EME2: variants seen among roughly 807,000 people sequenced by gnomAD.
EME2 encodes the protein essential meiotic structure-specific endonuclease subunit 2, also known as structure-specific endonuclease subunit EME2.
Under a neutral mutation model 41.9 loss-of-function variants are expected in EME2, and 58 were observed. That is an observed-to-expected ratio of 1.38 (90% confidence interval 1.12 to 1.72). EME2 has a LOEUF of 1.72. EME2 is among the 40% of genes most tolerant of loss of function. The pLI is 0.00. For synonymous variants in EME2, 334 were observed against 239.3 expected, an observed-to-expected ratio of 1.40 and a Z score of -3.65; for missense variants, 695 against 541.9, an observed-to-expected ratio of 1.28 and a Z score of -2.81.
Position 1,777,861 on chromosome 16 carries a change from G to A in EME2, c.*1623G>A, listed in dbSNP as rs756651857. 5.6e-6 allele frequency: 9 copies of A among 1,612,428 alleles called. No individual in the cohort carries two copies. The highest frequency in any genetic ancestry group is 7.6e-6 in the Non-Finnish European group (9 of 1,179,746). On this transcript the variant is annotated 3_prime_UTR_variant, in exon 8 of 8. Transcript: ENST00000568449. The stretch of plus-strand genomic sequence containing the variant: ...GAGAAGCTGGTCTTGTCGCCCTTGT[G>A]GTGGAGGAGGCCTGGGGGCAGCCAG...
rs2042731546 is a variant in EME2, at chr16:1,777,471, C to T, written c.*1233C>T. The T allele has an allele frequency of 2.0e-6, 3 of 1,467,718 alleles. No homozygotes were observed. The East Asian group carries it at 7.4e-5, about 36-fold the overall frequency. The allele number at this position is 1,467,718 out of a possible 1,614,324, so 90.9% of individuals were successfully genotyped here. ...GGAAGGGAGGGGCCCAGCCTGAACC[C>T]CAGGCAGGGAAGGGGCCAGCTACTG... is the stretch of plus-strand genomic sequence containing the variant. On this transcript the variant is annotated 3_prime_UTR_variant, in exon 8 of 8. Coordinates refer to ENST00000568449, the MANE Select transcript of EME2 (RefSeq NM_001257370.2).
Position 1,781,242 on chromosome 16 carries a change from G to A in EME2, c.*5004G>A. On this transcript the variant is annotated 3_prime_UTR_variant, in exon 8 of 8. Transcript: ENST00000568449. ...GGCCCAGGTTTGGACTGGTCCTCTA[G>A]CCTCAGAAGCATCTTTTTCTCCGAC... 2 of 1,598,774 alleles carry A rather than the reference G, an allele frequency of 1.3e-6. No individual in the cohort carries two copies. The highest frequency in any genetic ancestry group is 1.7e-6 in the Non-Finnish European group (2 of 1,177,138).
intron 5 of EME2, 39 bp from the exon 6 acceptor site, chr16:1,775,530 T>C: frequency 6.2e-7 from 1 of 1,606,828 alleles, no homozygotes; most frequent in Middle Eastern, 1.7e-4. Context: ...CCGGGTAGCC[T>C]TCCTCTGGCT....
rs1254829448 is a variant in EME2, at chr16:1,777,151, G to A, written c.*913G>A. 1 of 1,611,488 alleles carries A rather than the reference G, an allele frequency of 6.2e-7. No homozygotes were observed. Among genetic ancestry groups the A allele is most frequent in the Non-Finnish European group, 8.5e-7 (1 of 1,179,856 alleles). On this transcript the variant is annotated 3_prime_UTR_variant, in exon 8 of 8. Coordinates refer to ENST00000568449, the MANE Select transcript of EME2 (RefSeq NM_001257370.2). ...AGGGCCGAGGCTCGCGACTGCTGGG[G>A]TGGGCGGAGGTCGCTGCCTGGGGAT...
At position 1,778,737 on chromosome 16, in the gene EME2, G is replaced by T. The variant is rs578152915; in HGVS notation, c.*2499G>T. 39 of 1,066,904 alleles carry T rather than the reference G, an allele frequency of 3.7e-5. No individual in the cohort carries two copies. The African/African-American group carries it at 5.4e-4, about 15-fold the overall frequency. 66.1% of individuals were successfully genotyped at this position (1,066,904 alleles called of 1,614,324 possible). On this transcript the variant is annotated 3_prime_UTR_variant, in exon 8 of 8. Transcript: ENST00000568449. Reference sequence around the variant, plus strand: ...AAAGGATGGGGGTCCAGGCCTCCAGGGACTTCACAGTACCCCGAGCGCACA... The same window carrying T: ...AAAGGATGGGGGTCCAGGCCTCCAGTGACTTCACAGTACCCCGAGCGCACA...
In EME2 at chr16:1,775,407, A is replaced by G. The variant is rs764639450; in HGVS notation, c.662A>G (p.Glu221Gly). Residue 221 changes from glutamate to glycine, a missense_variant and splice_region_variant, in exon 5 of 8, where the codon GAG (glutamate) becomes GGG (glycine). Transcript: ENST00000568449. ...EVAVSWPEVE[E>G]ALVLLQLWAN... ...GCCGTCAGCTGGCCGGAGGTGGAAGAGGTGAGGGCCTGTCTGAGCTGGGTG... is the reference window on the plus strand; with the variant it reads ...GCCGTCAGCTGGCCGGAGGTGGAAGGGGTGAGGGCCTGTCTGAGCTGGGTG... The G allele has an allele frequency of 1.9e-6, 3 of 1,612,562 alleles. No homozygotes were observed. Among genetic ancestry groups the G allele is most frequent in the South Asian group, 1.1e-5 (1 of 91,004 alleles).
In EME2 at chr16:1,774,488, T is replaced by G. The variant is rs1596847675; in HGVS notation, c.477+136T>G. The G allele has an allele frequency of 7.3e-6, 5 of 686,096 alleles. No homozygotes were observed. The East Asian group carries it at 1.4e-4, about 19-fold the overall frequency. 42.5% of individuals were successfully genotyped at this position (686,096 alleles called of 1,614,324 possible). On this transcript the variant is annotated intron_variant, in intron 3 of 7. Transcript: ENST00000568449. ...GGGGCAGGCCAGGACTCCTCTCTGATCCAAAGCCGTAGAGGTTTCTAGGGT... is the reference window on the plus strand; with the variant it reads ...GGGGCAGGCCAGGACTCCTCTCTGAGCCAAAGCCGTAGAGGTTTCTAGGGT...
At chr16:1,774,520 G>A (rs937808587) in intron 3 of EME2, among the ~76,000 whole-genome samples, 168 bp downstream of exon 3, 2 of 152,250 alleles carry the variant, frequency 1.3e-5, no homozygotes, top group African/African-American at 4.8e-5. Context: ...GGGTGAGATG[G>A]AGAAAGCTCC....
rs994847924 is a variant in EME2 at position 1,778,672 on chromosome 16, C to T, written c.*2434C>T. 72 of 1,498,418 alleles carry T rather than the reference C, an allele frequency of 4.8e-5. No homozygotes were observed. The highest frequency in any genetic ancestry group is 1.3e-4 in the African/African-American group (9 of 71,890). The allele number at this position is 1,498,418 out of a possible 1,614,324, so 92.8% of individuals were successfully genotyped here. A position where few individuals can be genotyped will look rare whatever the true frequency, so the allele number is the denominator to read the frequency against. Reference sequence around the variant, plus strand: ...CCCGCTCTCTACCCTCTCACCCTTGCCCTCTGTCCCTGTCCCACCCTGTCC... The same window carrying T: ...CCCGCTCTCTACCCTCTCACCCTTGTCCTCTGTCCCTGTCCCACCCTGTCC... On this transcript the variant is annotated 3_prime_UTR_variant, in exon 8 of 8. Transcript: ENST00000568449.
chr16:1,781,381 A>G lies in EME2; in HGVS notation c.*5143A>G, dbSNP rs896970812. ...ACCTGCCCATCAGAGTCGTAGCCCC[A>G]GTTAGTGGAGCCTGCTAGAGCCACG... is the stretch of plus-strand genomic sequence containing the variant. On this transcript the variant is annotated 3_prime_UTR_variant, in exon 8 of 8. Transcript: ENST00000568449. 3.1e-6 allele frequency: 5 copies of G among 1,612,472 alleles called. No homozygotes were observed. Among genetic ancestry groups the G allele is most frequent in the Non-Finnish European group, 4.2e-6 (5 of 1,179,944 alleles).
rs117023147 is a variant in EME2 at position 1,780,722 on chromosome 16, C to G, written c.*4484C>G. 1.9e-4 allele frequency: 31 copies of G among 163,816 alleles called. No individual in the cohort carries two copies. The highest frequency in any genetic ancestry group is 3.8e-4 in the Non-Finnish European group (28 of 74,026). 10.1% of individuals were successfully genotyped at this position (163,816 alleles called of 1,614,324 possible). On this transcript the variant is annotated 3_prime_UTR_variant, in exon 8 of 8. Coordinates refer to ENST00000568449, the MANE Select transcript of EME2 (RefSeq NM_001257370.2). ...ACCTCCAGAAATGGGCTGGGTAAAC[C>G]AAAGAATTTTTTTGTTTTTGTTTTT...
Position 1,777,137 on chromosome 16 carries a change from T to C in EME2, c.*899T>C, listed in dbSNP as rs1394482869. The C allele has an allele frequency of 5.6e-6, 9 of 1,611,562 alleles. No individual in the cohort carries two copies. The highest frequency in any genetic ancestry group is 7.6e-6 in the Non-Finnish European group (9 of 1,179,740). On this transcript the variant is annotated 3_prime_UTR_variant, in exon 8 of 8. Transcript: ENST00000568449. The stretch of plus-strand genomic sequence containing the variant: ...GCGCTTCCTCTGGCAGGGCCGAGGC[T>C]CGCGACTGCTGGGGTGGGCGGAGGT...
At position 1,777,585 on chromosome 16, in the gene EME2, C is replaced by T; in HGVS notation, c.*1347C>T. The T allele has an allele frequency of 7.3e-7, 1 of 1,369,290 alleles. No homozygotes were observed. Among genetic ancestry groups the T allele is most frequent in the Non-Finnish European group, 9.8e-7 (1 of 1,022,922 alleles). The allele number at this position is 1,369,290 out of a possible 1,614,324, so 84.8% of individuals were successfully genotyped here. A position where few individuals can be genotyped will look rare whatever the true frequency, so the allele number is the denominator to read the frequency against. On this transcript the variant is annotated 3_prime_UTR_variant, in exon 8 of 8. Coordinates refer to ENST00000568449, the MANE Select transcript of EME2 (RefSeq NM_001257370.2). ...GGCAGGGTGCACGCGCTGGCCCTGC[C>T]ACTCCAGCCTGGCCTCACTGTCCCA...
rs1226765491 is a variant in EME2, at chr16:1,772,985, G to C, written c.-243G>C. On this transcript the variant is annotated 5_prime_UTR_variant, in exon 1 of 8. Coordinates refer to ENST00000568449, the MANE Select transcript of EME2 (RefSeq NM_001257370.2). Reference sequence around the variant, plus strand: ...CCCGGACCGGCAGCCGGCGTCCAGAGAACGGCCGCGTCAAGGTCTCGTAGT... The same window carrying C: ...CCCGGACCGGCAGCCGGCGTCCAGACAACGGCCGCGTCAAGGTCTCGTAGT... The C allele has an allele frequency of 3.4e-6, 5 of 1,451,926 alleles. No homozygotes were observed. The highest frequency in any genetic ancestry group is 2.7e-5 in the Admixed American group (1 of 36,380). The allele number at this position is 1,451,926 out of a possible 1,614,324, so 89.9% of individuals were successfully genotyped here. A position where few individuals can be genotyped will look rare whatever the true frequency, so the allele number is the denominator to read the frequency against.
Position 1,776,662 on chromosome 16 carries a change from G to T in EME2, c.*424G>T, listed in dbSNP as rs992894516. 1.1e-5 allele frequency: 3 copies of T among 285,696 alleles called. No homozygotes were observed. Among genetic ancestry groups the T allele is most frequent in the Non-Finnish European group, 2.0e-5 (3 of 151,464 alleles). 17.7% of individuals were successfully genotyped at this position (285,696 alleles called of 1,614,324 possible). ...CAGTGAGGCCTGGGAGAAGGCCCAGGCTGCTCGCAAGCCCGGCCTCTGCAC... is the reference window on the plus strand; with the variant it reads ...CAGTGAGGCCTGGGAGAAGGCCCAGTCTGCTCGCAAGCCCGGCCTCTGCAC... On this transcript the variant is annotated 3_prime_UTR_variant, in exon 8 of 8. Coordinates refer to ENST00000568449, the MANE Select transcript of EME2 (RefSeq NM_001257370.2).
In EME2 at chr16:1,772,902, A is replaced by G; in HGVS notation, c.-326A>G. On this transcript the variant is annotated 5_prime_UTR_variant, in exon 1 of 8. Coordinates refer to ENST00000568449, the MANE Select transcript of EME2 (RefSeq NM_001257370.2). ...CGTGACCAGGCGGCCCAGGCCGAAG[A>G]GCGGGAGGCGGCCGAGCAGCTGCAA... 1 of 1,450,288 alleles carries G rather than the reference A, an allele frequency of 6.9e-7. No homozygotes were observed. Among genetic ancestry groups the G allele is most frequent in the Non-Finnish European group, 9.0e-7 (1 of 1,108,546 alleles). The allele number at this position is 1,450,288 out of a possible 1,614,324, so 89.8% of individuals were successfully genotyped here.
chr16:1,774,667 G>A (rs1464446967), intron 3 of EME2, among the ~76,000 whole-genome samples: 1 of 152,258 alleles, frequency 6.6e-6, no homozygotes, highest in Non-Finnish European at 1.5e-5. Context: ...GCAGTGCTCA[G>A]GTGCTGTGGT....
chr16:1,781,419 G>C lies in EME2; in HGVS notation c.*5181G>C. 1 of 1,612,846 alleles carries C rather than the reference G, an allele frequency of 6.2e-7. No homozygotes were observed. Among genetic ancestry groups the C allele is most frequent in the Non-Finnish European group, 8.5e-7 (1 of 1,179,994 alleles). ...TGCTAGAGCCACGGCCCGGGCATCT[G>C]CGTCTCGGCGGGCTGCACTCAGGAC... On this transcript the variant is annotated 3_prime_UTR_variant, in exon 8 of 8. Transcript: ENST00000568449.
At chr16:1,775,726 G>C (rs2042701154) in intron 6 of EME2, 42 bp downstream of exon 6, 1 of 1,612,464 alleles carries the variant, frequency 6.2e-7, no homozygotes, top group Non-Finnish European at 8.5e-7. Flanking sequence ...ATCACCTCAA[G>C]GTAGTGGTGC....
Sources: allele counts gnomAD v4.1 joint callset (sites outside exome capture counted in the v4.1 genomes callset), GRCh38; gene constraint gnomAD v4.1.1; transcripts MANE v1.5; gene names NCBI Gene and HGNC (gene_info 2026-07-23, HGNC 2026-07-21).